The following CSMD1 variants were observed in gnomAD, a reference collection of about 807,000 sequenced individuals.
CSMD1 encodes CUB and Sushi multiple domains 1, also known as CUB and sushi domain-containing protein 1.
CSMD1 carries 213 observed loss-of-function variants against 417.5 expected under a neutral mutation model. The observed-to-expected ratio is 0.51, with a 90% CI of 0.46 to 0.57. The LOEUF (loss-of-function observed/expected upper bound fraction) is 0.57, where lower values mean the gene tolerates loss of function less well. Among genes scored for constraint, CSMD1 ranks in the 20% least tolerant of loss-of-function variants. CSMD1 has a pLI of 0.00. For synonymous variants in CSMD1, 2,862 were observed against 1,736.8 expected (o/e 1.65, Z -16.11); for missense variants, 6,923 against 4,529.7 (o/e 1.53, Z -15.17).
intron 5 of CSMD1, among the ~76,000 whole-genome samples, chr8:3,822,102 C>T (rs140847386): frequency 3.3e-5 from 5 of 151,788 alleles, no homozygotes; most frequent in African/African-American, 7.3e-5. Flanking sequence ...GTTTTGTCTC[C>T]GATTTTTCTG....
chr8:4,035,496 G>C (rs181562607), intron 3 of CSMD1, among the ~76,000 whole-genome samples: 1 of 152,174 alleles, frequency 6.6e-6, no homozygotes, highest in Admixed American at 6.5e-5. Context: ...CTCCATACCT[G>C]TCCTTGCCCC....
At chr8:3,819,952 T>G (rs75057012) in intron 5 of CSMD1, among the ~76,000 whole-genome samples, 3,026 of 152,262 alleles carry the variant, frequency 0.02, 101 homozygotes, top group African/African-American at 0.068. Flanking sequence ...CCTTGAATAA[T>G]TCATCGTTTC....
intron 2 of CSMD1, among the ~76,000 whole-genome samples, chr8:4,510,390 TA>T (rs34791623): frequency 1.5e-4 from 8 of 54,642 alleles, no homozygotes; most frequent in Non-Finnish European, 1.6e-4. Context: ...GCATAATGCC[TA>T]AAAAAAAAAA....
chr8:3,188,013 A>T (rs1796165563), intron 35 of CSMD1, 48 bp from the exon 36 acceptor site: 1 of 1,444,310 alleles, frequency 6.9e-7, no homozygotes, highest in Non-Finnish European at 9.6e-7. Context: ...GCTTAACACA[A>T]TTAGTCTAAT....
intron 1 of CSMD1, among the ~76,000 whole-genome samples, chr8:4,853,919 G>A (rs140672944): frequency 4.6e-5 from 7 of 152,278 alleles, no homozygotes; most frequent in Non-Finnish European, 8.8e-5. Context: ...CAGCTCTGCT[G>A]GGTTTCAGAA....
chr8:4,686,125 G>T (rs568836937), intron 1 of CSMD1, among the ~76,000 whole-genome samples: 1 of 152,090 alleles, frequency 6.6e-6, no homozygotes, highest in Non-Finnish European at 1.5e-5. Flanking sequence ...GAAAATTTGA[G>T]ATGCCAAATT....
intron 2 of CSMD1, among the ~76,000 whole-genome samples, chr8:4,442,738 C>G (rs897598150): frequency 3.3e-5 from 5 of 151,994 alleles, no homozygotes; most frequent in African/African-American, 1.2e-4. Context: ...CAATCAGTCA[C>G]TATTTTATGT....
intron 2 of CSMD1, among the ~76,000 whole-genome samples, chr8:4,467,312 T>C (rs1452979393): frequency 1.3e-5 from 2 of 152,150 alleles, no homozygotes; most frequent in East Asian, 3.9e-4. Flanking sequence ...GGAGTCACTA[T>C]ACAGATTATT....
intron 6 of CSMD1, among the ~76,000 whole-genome samples, chr8:3,743,761 G>A (rs536526555): frequency 6.6e-6 from 1 of 152,172 alleles, no homozygotes; most frequent in South Asian, 2.1e-4. Flanking sequence ...ATTTCACCAT[G>A]GCGATGTAAA....
At position 4,085,659 on chromosome 8, in the gene CSMD1, C is replaced by T. The variant is rs548927533; in HGVS notation, c.416-53560G>A. On this transcript the variant is annotated intron_variant, in intron 3 of 69. Transcript: ENST00000635120. ...GAAAAAAACCAGCCCTAGGTTTTTG[C>T]ATACTGTGTGATTCCAGGATAATGC... Among the ~76,000 whole-genome samples, 8 of 152,264 alleles carry T rather than the reference C, an allele frequency of 5.3e-5. No homozygotes were observed. In the South Asian group the frequency reaches 1.7e-3, roughly 32 times the overall value.
chr8:4,436,942 A>C (rs1436704107), intron 2 of CSMD1, among the ~76,000 whole-genome samples: 1 of 152,194 alleles, frequency 6.6e-6, no homozygotes, highest in African/African-American at 2.4e-5. Flanking sequence ...GGTTGCTTCC[A>C]AATCTTACCT....
intron 3 of CSMD1, among the ~76,000 whole-genome samples, chr8:4,093,725 C>T (rs1040406916): frequency 2.6e-5 from 4 of 152,026 alleles, no homozygotes; most frequent in African/African-American, 9.7e-5. Flanking sequence ...CTTTGGGAGG[C>T]TGAGGTGGAA....
At chr8:4,835,478 T>C (rs763580522) in intron 1 of CSMD1, among the ~76,000 whole-genome samples, 38 of 152,160 alleles carry the variant, frequency 2.5e-4, no homozygotes, top group Non-Finnish European at 5.0e-4. Flanking sequence ...TGGATTCTTA[T>C]GTTGAATTTG....
intron 1 of CSMD1, among the ~76,000 whole-genome samples, chr8:4,681,585 C>G (rs188068428): frequency 1.3e-5 from 2 of 152,108 alleles, no homozygotes; most frequent in Non-Finnish European, 2.9e-5. Context: ...GAAAATACGA[C>G]GAGTGGAACT....
chr8:4,484,333 T>A (rs1055858311), intron 2 of CSMD1, among the ~76,000 whole-genome samples: 10 of 152,156 alleles, frequency 6.6e-5, no homozygotes, highest in African/African-American at 1.7e-4. Context: ...ATTTAAAAAA[T>A]TTTAACATTG....
At chr8:4,468,113 T>C (rs1462176835) in intron 2 of CSMD1, among the ~76,000 whole-genome samples, 3 of 152,170 alleles carry the variant, frequency 2.0e-5, no homozygotes. Flanking sequence ...CTTTCTAAAA[T>C]TCAGATATAA....
At chr8:3,306,185 A>T (rs1804831241) in intron 25 of CSMD1, among the ~76,000 whole-genome samples, 1 of 152,238 alleles carries the variant, frequency 6.6e-6, no homozygotes. Context: ...AGTGTATGAT[A>T]TCTATGTGTA....
intron 1 of CSMD1, among the ~76,000 whole-genome samples, chr8:4,884,098 T>C (rs1032130733): frequency 6.6e-6 from 1 of 152,052 alleles, no homozygotes; most frequent in Non-Finnish European, 1.5e-5. Context: ...ATTGAACAAA[T>C]TTCCAGAAGG....
intron 1 of CSMD1, among the ~76,000 whole-genome samples, chr8:4,672,658 GAA>G (rs1286964168): frequency 6.6e-6 from 1 of 150,932 alleles, no homozygotes; most frequent in Non-Finnish European, 1.5e-5. Flanking sequence ...CCAGGTGCTT[GAA>G]AAAGTTTTGG....
Sources: gnomAD v4.1 joint callset for allele counts (sites outside exome capture counted in the v4.1 genomes callset) on GRCh38, gnomAD v4.1.1 for gene constraint, MANE v1.5 for transcripts, NCBI Gene and HGNC (gene_info 2026-07-23, HGNC 2026-07-21) for gene names.